The following CD109 variants were observed in gnomAD, a reference collection of about 807,000 sequenced individuals.
CD109 encodes CD109 antigen.
Under a neutral mutation model 165.8 loss-of-function variants are expected in CD109, and 149 were observed. The ratio of observed to expected loss-of-function variants is 0.90; its 90% CI spans 0.79 to 1.03. The LOEUF (loss-of-function observed/expected upper bound fraction) is 1.03, where lower values mean the gene tolerates loss of function less well. Among genes scored for constraint, CD109 ranks in the 50% least tolerant of loss-of-function variants. The pLI is 0.00. For synonymous variants in CD109, 585 were observed against 592.1 expected (o/e 0.99, Z 0.18); for missense variants, 1,712 against 1,677.8 (o/e 1.02, Z -0.36).
At chr6:73,801,256 G>T (rs909504814) in intron 23 of CD109, among the ~76,000 whole-genome samples, 2 of 152,222 alleles carry the variant, frequency 1.3e-5, no homozygotes, top group Non-Finnish European at 2.9e-5. Flanking sequence ...CTGAGTTTCA[G>T]TCTCATTATC....
intron 18 of CD109, among the ~76,000 whole-genome samples, chr6:73,783,347 A>G (rs1774574469): frequency 6.6e-6 from 1 of 152,268 alleles, no homozygotes; most frequent in South Asian, 2.1e-4. Context: ...ATTGACAGGG[A>G]TACAGAGAAA....
chr6:73,804,108 C>T (rs1264892101), intron 24 of CD109: 1 of 152,232 alleles, frequency 6.6e-6, no homozygotes, highest in East Asian at 1.9e-4. Flanking sequence ...CTCATTTTAT[C>T]CTTCTCAGAG....
intron 24 of CD109, among the ~76,000 whole-genome samples, chr6:73,804,876 G>A (rs1308177068): frequency 6.6e-6 from 1 of 152,094 alleles, no homozygotes; most frequent in African/African-American, 2.4e-5. Flanking sequence ...TAATGGAGCT[G>A]GATTCAACAG....
At chr6:73,752,100 T>C (rs973933200) in intron 5 of CD109, among the ~76,000 whole-genome samples, 2 of 152,194 alleles carry the variant, frequency 1.3e-5, no homozygotes, top group African/African-American at 4.8e-5. Context: ...AACAAACTAT[T>C]AGGGAATTGA....
chr6:73,789,136 TA>T (rs1338591030), intron 22 of CD109, among the ~76,000 whole-genome samples: 2 of 152,160 alleles, frequency 1.3e-5, no homozygotes, highest in Non-Finnish European at 2.9e-5. Flanking sequence ...ATGTATATCT[TA>T]AAAAACTTTC....
intron 2 of CD109, among the ~76,000 whole-genome samples, chr6:73,720,653 TA>T (rs1044915248): frequency 3.6e-4 from 55 of 152,126 alleles, no homozygotes; most frequent in African/African-American, 1.3e-3. Context: ...ACTTGTCAAT[TA>T]AAAAAAGAAT....
intron 17 of CD109, among the ~76,000 whole-genome samples, chr6:73,781,835 A>C (rs865776037): frequency 5.5e-5 from 8 of 144,422 alleles, no homozygotes; most frequent in African/African-American, 7.9e-5. Flanking sequence ...ACACACACAC[A>C]CCCCTCATCA....
intron 27 of CD109, among the ~76,000 whole-genome samples, chr6:73,810,609 T>G (rs895701419): frequency 2.6e-5 from 4 of 152,038 alleles, no homozygotes; most frequent in African/African-American, 7.2e-5. Flanking sequence ...ATGAGCAAAA[T>G]TCAGTGGGAT....
rs146284633 is a variant in CD109 at position 73,734,369 on chromosome 6, G to A, written c.508-2014G>A. On this transcript the variant is annotated intron_variant, in intron 4 of 32. Coordinates refer to ENST00000287097, the MANE Select transcript of CD109 (RefSeq NM_133493.5). ...GACATTCCATTTTCCTACACTTCAG[G>A]TAACACCAAGAATTATTGTTATTAT... Among the ~76,000 whole-genome samples, 36 of 152,192 alleles carry A rather than the reference G, an allele frequency of 2.4e-4. No homozygotes were observed. In the East Asian group the frequency reaches 6.8e-3, roughly 29 times the overall value.
chr6:73,736,890 T>G (rs966352034), intron 5 of CD109, among the ~76,000 whole-genome samples: 1 of 152,222 alleles, frequency 6.6e-6, no homozygotes, highest in Non-Finnish European at 1.5e-5. Flanking sequence ...ATTAACCTAC[T>G]TTTATCTTTG....
At chr6:73,756,498 GA>G in intron 5 of CD109, 144 bp from the exon 6 acceptor site, 1 of 579,266 alleles carries the variant, frequency 1.7e-6, no homozygotes, top group Non-Finnish European at 3.0e-6. Flanking sequence ...TTCCATAAAT[GA>G]AAATAAACAA....
intron 15 of CD109, among the ~76,000 whole-genome samples, chr6:73,778,163 G>C (rs1378686815): frequency 6.6e-6 from 1 of 152,132 alleles, no homozygotes; most frequent in Non-Finnish European, 1.5e-5. Context: ...TTATCTTTCT[G>C]TGGCAGTTGT....
At chr6:73,739,534 G>A (rs891759464) in intron 5 of CD109, among the ~76,000 whole-genome samples, 1 of 152,090 alleles carries the variant, frequency 6.6e-6, no homozygotes, top group Non-Finnish European at 1.5e-5. Context: ...ATAAAACTCA[G>A]GGAAGGAAAA....
intron 3 of CD109, among the ~76,000 whole-genome samples, chr6:73,723,908 A>T (rs1417188702): frequency 1.3e-5 from 2 of 152,130 alleles, no homozygotes; most frequent in Admixed American, 6.5e-5. Flanking sequence ...GTTAAAAAAA[A>T]ACAAGGCATC....
At chr6:73,714,779 T>C (rs1048611688) in intron 2 of CD109, among the ~76,000 whole-genome samples, 5 of 152,238 alleles carry the variant, frequency 3.3e-5, no homozygotes, top group Admixed American at 6.5e-5. Flanking sequence ...TAAGAGAAAC[T>C]TCATGGAAGA....
the CD109 span, among the ~76,000 whole-genome samples, chr6:73,680,589 C>T: frequency 2.6e-5 from 4 of 152,142 alleles, no homozygotes; most frequent in Admixed American, 1.3e-4. Flanking sequence ...AGACTCTCCA[C>T]GTAGCTGGCC....
intron 2 of CD109, among the ~76,000 whole-genome samples, chr6:73,719,110 A>G (rs905555948): frequency 1.3e-5 from 2 of 152,138 alleles, no homozygotes; most frequent in Admixed American, 6.5e-5. Context: ...GACATTTTAC[A>G]TTTTTTTGGT....
At chr6:73,699,913 A>C (rs143429162) in intron 2 of CD109, among the ~76,000 whole-genome samples, 1 of 152,158 alleles carries the variant, frequency 6.6e-6, no homozygotes, top group African/African-American at 2.4e-5. Context: ...GGATCAAGAC[A>C]CTTCTCCCTG....
Position 73,762,447 on chromosome 6 carries a change from G to A in CD109, c.822G>A (p.Trp274Ter), listed in dbSNP as rs1488749803. 6.2e-7 allele frequency: 1 copy of A among 1,611,548 alleles called. No homozygotes were observed. The highest frequency in any genetic ancestry group is 1.7e-5 in the Admixed American group (1 of 59,956). The change falls in exon 8 of 33, where the codon TGG (tryptophan) becomes TGA (stop). Residue 274 changes from tryptophan to a stop codon, truncating the protein, a stop_gained. Transcript: ENST00000287097. LOFTEE classifies it high-confidence loss of function. ...VTLTFLPLSF[W>*]GKKKNITKTF... ...TTACATTTTTACCTTTATCCTTTTG[G>A]GGAAAGAAGAAAAATATTACAAAAA...
Sources: gnomAD v4.1 joint callset for allele counts (sites outside exome capture counted in the v4.1 genomes callset) on GRCh38, gnomAD v4.1.1 for gene constraint, MANE v1.5 for transcripts, NCBI Gene and HGNC (gene_info 2026-07-23, HGNC 2026-07-21) for gene names.